Variants in TRAPPC6B observed in about 807,000 individuals in gnomAD.
TRAPPC6B encodes TRAPP complex subunit 6B.
Under a neutral mutation model 24.7 loss-of-function variants are expected in TRAPPC6B, and 27 were observed. The observed-to-expected ratio is 1.09, with a 90% CI of 0.81 to 1.51. The LOEUF (loss-of-function observed/expected upper bound fraction) is 1.51. Ranked by LOEUF, TRAPPC6B falls within the 40% of genes most tolerant of loss-of-function variation. The pLI is 0.00. For missense variants in TRAPPC6B, 212 were observed against 190.8 expected, an observed-to-expected ratio of 1.11 and a Z score of -0.66; for synonymous variants, 80 against 66.6, an observed-to-expected ratio of 1.20 and a Z score of -0.98.
At chr14:39,169,475 A>G (rs552580301) in intron 1 of TRAPPC6B, among the ~76,000 whole-genome samples, 1 of 152,160 alleles carries the variant, frequency 6.6e-6, no homozygotes, top group South Asian at 2.1e-4. Flanking sequence ...AGGGCACTAA[A>G]TAAATACTTT....
rs577225252 is a variant in TRAPPC6B, at chr14:39,157,714, G to C, written c.267+571C>G. On this transcript the variant is annotated intron_variant, in intron 3 of 5. Coordinates refer to ENST00000330149, the MANE Select transcript of TRAPPC6B (RefSeq NM_001079537.2). ...GGACAATGGAGCTTAGGTTCAGCTGGTGGAAGCTATCAGAACCAATTACGA... is the reference window on the plus strand; with the variant it reads ...GGACAATGGAGCTTAGGTTCAGCTGCTGGAAGCTATCAGAACCAATTACGA... 7.1e-5 allele frequency: 16 copies of C among 225,952 alleles called. No individual in the cohort carries two copies. In the South Asian group the frequency reaches 1.0e-3, roughly 14 times the overall value. The allele number at this position is 225,952 out of a possible 1,614,324, so 14.0% of individuals were successfully genotyped here.
At chr14:39,158,868 C>T (rs1203570280) in intron 2 of TRAPPC6B, 2 of 153,024 alleles carry the variant, frequency 1.3e-5, no homozygotes. Context: ...GTAACATGAT[C>T]CTATCTCAAT....
rs576630995 is a variant in TRAPPC6B at position 39,163,259 on chromosome 14, T to C, written c.82-3709A>G. ...GGTGGCACATACCTGTAGTCCCAGC[T>C]ACTCAAGAGGCTGAGGCAGGAGAAA... On this transcript the variant is annotated intron_variant, in intron 1 of 5. Transcript: ENST00000330149. 1.1e-3 allele frequency among the ~76,000 whole-genome samples: 169 copies of C among 149,538 alleles called. 1 individual carries two copies. The highest frequency in any genetic ancestry group is 3.3e-3 in the Admixed American group (50 of 15,114).
In TRAPPC6B at chr14:39,155,315, C is replaced by T. The variant is rs190453613; in HGVS notation, c.268-1021G>A. ...GGAGTGCAATGGCTCGATCTCAGCT[C>T]ACCACAACCTCCGCCTCCTGGGTTC... On this transcript the variant is annotated intron_variant, in intron 3 of 5. Coordinates refer to ENST00000330149, the MANE Select transcript of TRAPPC6B (RefSeq NM_001079537.2). Among the ~76,000 whole-genome samples, 451 of 152,218 alleles carry T rather than the reference C, an allele frequency of 3.0e-3. 1 individual carries two copies. The highest frequency in any genetic ancestry group is 4.7e-3 in the Non-Finnish European group (320 of 68,028).
chr14:39,153,800 G>C (rs906247307), intron 4 of TRAPPC6B, among the ~76,000 whole-genome samples: 4 of 151,690 alleles, frequency 2.6e-5, no homozygotes, highest in Non-Finnish European at 4.4e-5. Context: ...TGCCTCCCGG[G>C]TTCAAGTGAT....
intron 1 of TRAPPC6B, among the ~76,000 whole-genome samples, chr14:39,164,586 T>C (rs1312682089): frequency 6.6e-6 from 1 of 152,126 alleles, no homozygotes; most frequent in Non-Finnish European, 1.5e-5. Context: ...CTCATGCCTG[T>C]AAATCCCAGT....
intron 3 of TRAPPC6B, among the ~76,000 whole-genome samples, chr14:39,154,582 G>A (rs2139378912): frequency 6.6e-6 from 1 of 152,172 alleles, no homozygotes; most frequent in South Asian, 2.1e-4. Context: ...ACCATGCCCT[G>A]CTAATTTTTA....
intron 1 of TRAPPC6B, among the ~76,000 whole-genome samples, chr14:39,160,969 C>CAGTTAGGAGAAACCAAGTTAGG (rs1440357657): frequency 6.6e-6 from 1 of 152,150 alleles, no homozygotes; most frequent in Non-Finnish European, 1.5e-5. Flanking sequence ...AAAACAAATG[C>CAGTTAGGAGAAACCAAGTTAGG]AGTCCAGTTA....
intron 1 of TRAPPC6B, among the ~76,000 whole-genome samples, chr14:39,164,828 TC>T (rs1415243308): frequency 6.6e-6 from 1 of 152,054 alleles, no homozygotes; most frequent in Non-Finnish European, 1.5e-5. Flanking sequence ...CAGAGTGAGA[TC>T]CTGTCTCAAA....
intron 5 of TRAPPC6B, among the ~76,000 whole-genome samples, chr14:39,150,591 T>C (rs1376656363): frequency 6.6e-6 from 1 of 152,134 alleles, no homozygotes; most frequent in African/African-American, 2.4e-5. Flanking sequence ...CAGGCTGGAG[T>C]GCAGTGGCAC....
At chr14:39,161,967 C>T (rs908375141) in intron 1 of TRAPPC6B, among the ~76,000 whole-genome samples, 7 of 152,060 alleles carry the variant, frequency 4.6e-5, no homozygotes, top group Non-Finnish European at 8.8e-5. Flanking sequence ...TTTCTGGCAG[C>T]GTTAATAACC....
chr14:39,166,066 T>C (rs1416786021), intron 1 of TRAPPC6B, among the ~76,000 whole-genome samples: 1 of 151,950 alleles, frequency 6.6e-6, no homozygotes, highest in Non-Finnish European at 1.5e-5. Context: ...CCTCCCAAAG[T>C]GCTAGGATTA....
chr14:39,155,531 G>A (rs1321934707), intron 3 of TRAPPC6B, among the ~76,000 whole-genome samples: 5 of 150,214 alleles, frequency 3.3e-5, no homozygotes, highest in Admixed American at 2.0e-4. Flanking sequence ...GTGAGCCACC[G>A]CACCCGGATT....
chr14:39,167,944 T>C (rs1356342163), intron 1 of TRAPPC6B, among the ~76,000 whole-genome samples: 1 of 152,094 alleles, frequency 6.6e-6, no homozygotes, highest in African/African-American at 2.4e-5. Context: ...CCAGGCGCAG[T>C]GGCTTACGCT....
chr14:39,153,710 T>C (rs1227343487), intron 4 of TRAPPC6B, among the ~76,000 whole-genome samples: 1 of 150,660 alleles, frequency 6.6e-6, no homozygotes. Flanking sequence ...TTTCTTTTTT[T>C]TTTTTTTTGA....
intron 3 of TRAPPC6B, among the ~76,000 whole-genome samples, chr14:39,156,557 T>C (rs1260775722): frequency 6.6e-6 from 1 of 152,154 alleles, no homozygotes; most frequent in African/African-American, 2.4e-5. Context: ...AGCGAGACTC[T>C]GTCTCCCTTT....
chr14:39,153,656 A>C (rs1273805757), intron 4 of TRAPPC6B, among the ~76,000 whole-genome samples: 1 of 150,688 alleles, frequency 6.6e-6, no homozygotes, highest in African/African-American at 2.4e-5. Context: ...GTGATCTACC[A>C]TACATCTACA....
intron 1 of TRAPPC6B, among the ~76,000 whole-genome samples, chr14:39,164,569 G>A (rs1327003768): frequency 1.3e-5 from 2 of 152,166 alleles, no homozygotes; most frequent in Non-Finnish European, 2.9e-5. Flanking sequence ...CAGGCCTGAT[G>A]TAGTGACTCA....
In TRAPPC6B at chr14:39,154,283, T is replaced by C. The variant is rs1026454987; in HGVS notation, c.279A>G (p.Val93=). The change falls in exon 4 of 6, where the codon GTA becomes GTG. Residue 93 remains valine (V), a synonymous_variant. Transcript: ENST00000330149. ...GCAGGCGAAATTTGTTGTCCTGAAG[T>C]ACATAGATGCCCTGTTCCAAAAATA... ...NLRTNHQGIY[V]LQDNKFRLLT... is the part of the protein sequence containing the mutation. The C allele has an allele frequency of 3.7e-6, 6 of 1,611,428 alleles. No individual in the cohort carries two copies. The highest frequency in any genetic ancestry group is 4.5e-5 in the East Asian group (2 of 44,844).
Sources: allele counts gnomAD v4.1 joint callset (sites outside exome capture counted in the v4.1 genomes callset), GRCh38; gene constraint gnomAD v4.1.1; transcripts MANE v1.5; gene names NCBI Gene and HGNC (gene_info 2026-07-23, HGNC 2026-07-21).